ATAD5: variants seen among roughly 807,000 people sequenced by gnomAD.
The protein encoded by ATAD5 is ATPase family AAA domain-containing protein 5.
ATAD5 carries 58 observed loss-of-function variants against 176.9 expected under a neutral mutation model. The ratio of observed to expected loss-of-function variants is 0.33; its 90% CI spans 0.27 to 0.41. The LOEUF is 0.41. Ranked by LOEUF, ATAD5 falls within the 10% of genes least tolerant of loss-of-function variation. The pLI is 1.00. For synonymous variants in ATAD5, 640 were observed against 712.6 expected (o/e 0.90, Z 1.62); for missense variants, 1,789 against 2,094.1 (o/e 0.85, Z 2.84).
intron 6 of ATAD5, among the ~76,000 whole-genome samples, chr17:30,850,284 T>G (rs761873868): frequency 6.6e-6 from 1 of 152,002 alleles, no homozygotes; most frequent in Non-Finnish European, 1.5e-5. Flanking sequence ...TTAACCAACC[T>G]CTGGCTATGT....
chr17:30,855,373 C>A, intron 7 of ATAD5, 46 bp downstream of exon 7: 1 of 1,497,744 alleles, frequency 6.7e-7, no homozygotes, highest in Non-Finnish European at 9.0e-7. Flanking sequence ...CAGCTGTTAG[C>A]AGGAACATTA....
At chr17:30,847,906 G>C (rs2142336634) in intron 6 of ATAD5, among the ~76,000 whole-genome samples, 1 of 151,264 alleles carries the variant, frequency 6.6e-6, no homozygotes, top group African/African-American at 2.4e-5. Context: ...ATTTTTAGTA[G>C]AGATGGGGTT....
At chr17:30,833,814 G>T (rs1372019513) in intron 1 of ATAD5, among the ~76,000 whole-genome samples, 1 of 152,154 alleles carries the variant, frequency 6.6e-6, no homozygotes, top group African/African-American at 2.4e-5. Context: ...CGGAGTAGCT[G>T]GGATTACAGG....
chr17:30,851,963 G>A (rs543335352), intron 6 of ATAD5, among the ~76,000 whole-genome samples: 18 of 152,316 alleles, frequency 1.2e-4, no homozygotes, highest in East Asian at 5.8e-4. Context: ...GGTTACAAAT[G>A]TGAGCCACCC....
At position 30,893,619 on chromosome 17, in the gene ATAD5, C is replaced by A; in HGVS notation, c.4766C>A (p.Ser1589Tyr). 1 of 1,613,938 alleles carries A rather than the reference C, an allele frequency of 6.2e-7. No homozygotes were observed. The highest frequency in any genetic ancestry group is 1.1e-5 in the South Asian group (1 of 91,064). Residue 1589 changes from serine to tyrosine, a missense_variant, in exon 21 of 23, where the codon TCT (serine) becomes TAT (tyrosine). Coordinates refer to ENST00000321990, the MANE Select transcript of ATAD5 (RefSeq NM_024857.5). ...ACTGACTTGGACTTTCCTGATCAAT[C>A]TATTAGCCTGTCCTCTGTATCATCT... is the stretch of plus-strand genomic sequence containing the variant. ...FDTDLDFPDQSISLSSVSSSS... is the reference protein window; with the variant it reads ...FDTDLDFPDQYISLSSVSSSS...
chr17:30,893,577 A>G lies in ATAD5; in HGVS notation c.4724A>G (p.Asp1575Gly), dbSNP rs1329424837. 6.2e-7 allele frequency: 1 copy of G among 1,613,686 alleles called. No individual in the cohort carries two copies. Among genetic ancestry groups the G allele is most frequent in the Admixed American group, 1.7e-5 (1 of 59,968 alleles). ...KQKKTLVILD[D>G]SDLFDTDLDF... The stretch of plus-strand genomic sequence containing the variant: ...AAGAAAACATTGGTAATATTAGATG[A>G]TAGTGATCTATTTGACACTGACTTG... Residue 1575 changes from aspartate to glycine, a missense_variant, in exon 21 of 23, where the codon GAT (aspartate) becomes GGT (glycine). Physicochemically the swap from Asp to Gly is moderately conservative, Grantham distance 94. Around this residue, in one of 6 missense-constraint regions of ATAD5, gnomAD observed 403 missense variants for 495.1 expected, o/e 0.81. Transcript: ENST00000321990.
chr17:30,836,050 T>G lies in ATAD5; in HGVS notation c.1967+2T>G. ...CTTTGATTCAGAGAGCCCTATTAGG[T>G]AAGGTTTGTTTTTGTTCTAACGTTC... is the stretch of plus-strand genomic sequence containing the variant. On this transcript the variant is annotated splice_donor_variant, in intron 2 of 22. Coordinates refer to ENST00000321990, the MANE Select transcript of ATAD5 (RefSeq NM_024857.5). LOFTEE classifies it high-confidence loss of function. 6.3e-7 allele frequency: 1 copy of G among 1,577,084 alleles called. No homozygotes were observed. The highest frequency in any genetic ancestry group is 8.6e-7 in the Non-Finnish European group (1 of 1,165,124).
At position 30,895,789 on chromosome 17, in the gene ATAD5, C is replaced by T. The variant is rs1200396630; in HGVS notation, c.*876C>T. ...TAGATATTTTTACCTCTTATTTGTT[C>T]AATTTACTTTTTCTTGTATTAATTA... On this transcript the variant is annotated 3_prime_UTR_variant, in exon 23 of 23. Coordinates refer to ENST00000321990, the MANE Select transcript of ATAD5 (RefSeq NM_024857.5). 2 of 152,018 alleles carry T rather than the reference C, an allele frequency of 1.3e-5. No individual in the cohort carries two copies. The highest frequency in any genetic ancestry group is 1.3e-4 in the Admixed American group (2 of 15,254). The allele number at this position is 152,018 out of a possible 1,614,324, so 9.4% of individuals were successfully genotyped here.
At chr17:30,850,823 T>A (rs867452455) in intron 6 of ATAD5, among the ~76,000 whole-genome samples, 94 of 60,452 alleles carry the variant, frequency 1.6e-3, no homozygotes, top group African/African-American at 3.0e-3. Context: ...TTATTTATAT[T>A]TATATATTTT....
chr17:30,853,535 TA>T (rs1219918636), intron 6 of ATAD5, among the ~76,000 whole-genome samples: 1 of 152,200 alleles, frequency 6.6e-6, no homozygotes, highest in African/African-American at 2.4e-5. Flanking sequence ...TCTGGCTTCA[TA>T]GCTTATTTTC....
chr17:30,839,088 A>G (rs571261596), intron 3 of ATAD5, among the ~76,000 whole-genome samples: 77 of 152,052 alleles, frequency 5.1e-4, no homozygotes, highest in Middle Eastern at 3.4e-3. Flanking sequence ...GGACTCCCAC[A>G]GTGCTGTGCT....
intron 18 of ATAD5, among the ~76,000 whole-genome samples, chr17:30,884,109 A>T (rs1444040826): frequency 6.6e-6 from 1 of 151,768 alleles, no homozygotes; most frequent in African/African-American, 2.4e-5. Flanking sequence ...TGTTTATATG[A>T]ATTTGACTAT....
intron 14 of ATAD5, among the ~76,000 whole-genome samples, chr17:30,871,287 C>T (rs907935653): frequency 6.6e-6 from 1 of 150,900 alleles, no homozygotes; most frequent in Non-Finnish European, 1.5e-5. Flanking sequence ...GGTTTTTGAA[C>T]ATATGGAATA....
chr17:30,882,002 G>T (rs977823572), intron 18 of ATAD5, among the ~76,000 whole-genome samples: 2 of 152,072 alleles, frequency 1.3e-5, no homozygotes, highest in African/African-American at 2.4e-5. Flanking sequence ...GCTCACGCCT[G>T]TAATCCCAGC....
Position 30,844,052 on chromosome 17 carries a change from A to G in ATAD5, c.2368+13A>G. 3.3e-6 allele frequency: 5 copies of G among 1,514,382 alleles called. No homozygotes were observed. The highest frequency in any genetic ancestry group is 4.4e-6 in the Non-Finnish European group (5 of 1,129,918). The allele number at this position is 1,514,382 out of a possible 1,614,324, so 93.8% of individuals were successfully genotyped here. A position where few individuals can be genotyped will look rare whatever the true frequency, so the allele number is the denominator to read the frequency against. ...AAAAATGTACCTGGTAATCAGAGTT[A>G]ATAATATTTATGATGTATATTAGAA... is the stretch of plus-strand genomic sequence containing the variant. On this transcript the variant is annotated intron_variant, in intron 5 of 22. Coordinates refer to ENST00000321990, the MANE Select transcript of ATAD5 (RefSeq NM_024857.5).
intron 3 of ATAD5, among the ~76,000 whole-genome samples, chr17:30,837,684 G>C (rs1162586021): frequency 6.6e-6 from 1 of 152,206 alleles, no homozygotes; most frequent in Non-Finnish European, 1.5e-5. Context: ...TATGGGGATT[G>C]AGAAATGCAC....
Position 30,858,307 on chromosome 17 carries a change from G to A in ATAD5, c.2940G>A (p.Glu980=). 1 of 1,541,476 alleles carries A rather than the reference G, an allele frequency of 6.5e-7. No individual in the cohort carries two copies. Among genetic ancestry groups the A allele is most frequent in the Non-Finnish European group, 8.7e-7 (1 of 1,144,282 alleles). ...TTGAGCACCAAGTACTTTCTTCCGA[G>A]TGTCATAGTAAACAAGGTTAGTGAT... is the stretch of plus-strand genomic sequence containing the variant. The part of the protein sequence containing the change: ...KQIEHQVLSS[E]CHSKQELEAD... The change falls in exon 9 of 23, where the codon GAG becomes GAA. Residue 980 remains glutamate, a synonymous_variant. Coordinates refer to ENST00000321990, the MANE Select transcript of ATAD5 (RefSeq NM_024857.5).
chr17:30,887,557 G>A (rs1371872274), intron 19 of ATAD5, among the ~76,000 whole-genome samples, 185 bp downstream of exon 19: 3 of 151,900 alleles, frequency 2.0e-5, no homozygotes, highest in Admixed American at 6.6e-5. Context: ...GTCTCTACAA[G>A]AAAATTTATG....
At chr17:30,846,243 A>G (rs945892587) in intron 6 of ATAD5, among the ~76,000 whole-genome samples, 1 of 152,160 alleles carries the variant, frequency 6.6e-6, no homozygotes, top group African/African-American at 2.4e-5. Context: ...AGAACATCAC[A>G]TAAACTTCAT....
Sources: allele counts gnomAD v4.1 joint callset (sites outside exome capture counted in the v4.1 genomes callset), GRCh38; gene constraint gnomAD v4.1.1; regional missense constraint gnomAD v4.1.1; transcripts MANE v1.5; gene names NCBI Gene and HGNC (gene_info 2026-07-23, HGNC 2026-07-21).